Variants in TENM1 observed in about 807,000 individuals in gnomAD.
TENM1 encodes the protein teneurin-1.
Under a neutral mutation model 174.8 loss-of-function variants are expected in TENM1, and 35 were observed. The ratio of observed to expected loss-of-function variants is 0.20; its 90% CI spans 0.15 to 0.27. The LOEUF is 0.27. Among genes scored for constraint, TENM1 ranks in the 10% least tolerant of loss-of-function variants. The pLI, the probability that TENM1 is intolerant of heterozygous loss-of-function variation, is 1.00. For synonymous variants in TENM1, 781 were observed against 798.7 expected, an observed-to-expected ratio of 0.98 and a Z score of 0.37; for missense variants, 1,633 against 2,130.1, an observed-to-expected ratio of 0.77 and a Z score of 4.59.
chrX:125,118,423 G>C, the TENM1 span, among the ~76,000 whole-genome samples: 4 of 111,750 alleles, frequency 3.6e-5, no homozygotes, highest in Non-Finnish European at 5.6e-5. Context: ...AAAAAGTTAA[G>C]TTGATCTTCA....
At chrX:124,584,379 T>G (rs1439301344) in intron 11 of TENM1, among the ~76,000 whole-genome samples, 2 of 110,905 alleles carry the variant, frequency 1.8e-5, no homozygotes, top group Non-Finnish European at 3.8e-5. Context: ...GGGGCCAATA[T>G]TCAACATTCT....
At chrX:125,113,706 G>A in the TENM1 span, among the ~76,000 whole-genome samples, 1 of 110,956 alleles carries the variant, frequency 9.0e-6, no homozygotes, top group Non-Finnish European at 1.9e-5. Context: ...AACAAAAAGA[G>A]CTAACTACCC....
chrX:124,776,555 C>A lies in TENM1; in HGVS notation c.536-39358G>T, dbSNP rs1009746894. Reference sequence around the variant, plus strand: ...GAAAGGTATCTACAAAAGTAATAAACCTTTTCGATGAATATCGATTGAAAA... The same window carrying A: ...GAAAGGTATCTACAAAAGTAATAAAACTTTTCGATGAATATCGATTGAAAA... On this transcript the variant is annotated intron_variant, in intron 3 of 31. Transcript: ENST00000422452. Among the ~76,000 whole-genome samples, 6 of 111,894 alleles carry A rather than the reference C, an allele frequency of 5.4e-5. No individual in the cohort carries two copies. In the Admixed American group the frequency reaches 5.7e-4, roughly 11 times the overall value.
intron 1 of TENM1, among the ~76,000 whole-genome samples, chrX:124,919,653 T>C (rs1463639908): frequency 1.8e-5 from 2 of 111,209 alleles, no homozygotes; most frequent in Non-Finnish European, 3.8e-5. Flanking sequence ...AAAAGGTAAT[T>C]AGTAATGCTC....
At chrX:124,456,922 G>A (rs2061114127) in intron 22 of TENM1, among the ~76,000 whole-genome samples, 1 of 111,957 alleles carries the variant, frequency 8.9e-6, no homozygotes, top group African/African-American at 3.3e-5. Flanking sequence ...ACAATCAAAG[G>A]TACAGTCTCT....
chrX:125,203,151 G>A, the TENM1 span, among the ~76,000 whole-genome samples: 20 of 113,042 alleles, frequency 1.8e-4, no homozygotes, highest in African/African-American at 6.4e-4. Flanking sequence ...CGTAGGTTAG[G>A]AGGTCCTGCA....
rs747777823 is a variant in TENM1, at chrX:124,652,763, C to T, written c.1369-639G>A. On this transcript the variant is annotated intron_variant, in intron 7 of 31. Coordinates refer to ENST00000422452, the Ensembl canonical transcript of TENM1. ...ACATATTTACATATTCAAAAGGCCC[C>T]TCCTCTCCATTTTTTCTAATCAGTT... Among the ~76,000 whole-genome samples the T allele has an allele frequency of 3.8e-5, 4 of 105,942 alleles. No homozygotes were observed. The East Asian group carries it at 8.4e-4, about 22-fold the overall frequency. 92.0% of individuals were successfully genotyped at this position (105,942 alleles called of 115,157 possible). A position where few individuals can be genotyped will look rare whatever the true frequency, so the allele number is the denominator to read the frequency against.
At chrX:124,618,640 C>T (rs915549037) in intron 11 of TENM1, among the ~76,000 whole-genome samples, 2 of 111,861 alleles carry the variant, frequency 1.8e-5, no homozygotes, top group African/African-American at 3.2e-5. Flanking sequence ...CTGTTGCCAT[C>T]ATTCTTTCTA....
intron 11 of TENM1, among the ~76,000 whole-genome samples, chrX:124,606,797 G>A (rs1348753156): frequency 1.8e-5 from 2 of 111,587 alleles, no homozygotes; most frequent in African/African-American, 6.5e-5. Flanking sequence ...CATGCTTTGA[G>A]CTTTAATTTC....
At chrX:124,838,826 T>G (rs2147353595) in intron 3 of TENM1, among the ~76,000 whole-genome samples, 1 of 111,288 alleles carries the variant, frequency 9.0e-6, no homozygotes, top group South Asian at 3.8e-4. Context: ...CATATACATA[T>G]ATGTATATGC....
intron 11 of TENM1, among the ~76,000 whole-genome samples, chrX:124,567,605 G>T (rs2048969814): frequency 1.8e-5 from 2 of 111,768 alleles, no homozygotes; most frequent in Admixed American, 9.5e-5. Flanking sequence ...AAAGTGAATG[G>T]AAAGCTGTGC....
intron 11 of TENM1, among the ~76,000 whole-genome samples, chrX:124,636,268 T>C (rs939045316): frequency 2.7e-5 from 3 of 112,158 alleles, no homozygotes; most frequent in African/African-American, 9.7e-5. Context: ...GATGGTTAAA[T>C]ATGCTCTGTG....
chrX:124,717,160 G>C (rs2053204511), intron 4 of TENM1, among the ~76,000 whole-genome samples: 1 of 111,447 alleles, frequency 9.0e-6, no homozygotes, highest in African/African-American at 3.3e-5. Flanking sequence ...TATGCTGCTG[G>C]TCAGGGTAAC....
chrX:124,932,238 T>TA (rs1049630711), intron 1 of TENM1, among the ~76,000 whole-genome samples: 17 of 111,383 alleles, frequency 1.5e-4, no homozygotes, highest in South Asian at 3.8e-4. Context: ...TCCTGCCTTG[T>TA]AAAAAAAATG....
At chrX:124,779,716 G>A (rs897209083) in intron 3 of TENM1, among the ~76,000 whole-genome samples, 3 of 111,959 alleles carry the variant, frequency 2.7e-5, no homozygotes, top group Non-Finnish European at 5.6e-5. Context: ...ACTGAAAGAT[G>A]CCAACAACAA....
the TENM1 span, among the ~76,000 whole-genome samples, chrX:125,001,760 C>T: frequency 1.8e-5 from 2 of 110,023 alleles, no homozygotes; most frequent in African/African-American, 6.6e-5. Flanking sequence ...TATTTAGCCA[C>T]TGTGATTTGA....
chrX:124,909,299 T>C (rs376635899), intron 1 of TENM1, among the ~76,000 whole-genome samples: 2 of 112,426 alleles, frequency 1.8e-5, no homozygotes, highest in Non-Finnish European at 3.8e-5. Flanking sequence ...CAGCATATTA[T>C]AAGCAGCACA....
rs145119140 is a variant in TENM1 at position 124,816,462 on chromosome X, A to G, written c.535+77834T>C. On this transcript the variant is annotated intron_variant, in intron 3 of 31. Coordinates refer to ENST00000422452, the Ensembl canonical transcript of TENM1. ...TACAGAAGAATGACTCATAATTTGCATGTTATTTATATGTAAATGAGTGCT... is the reference window on the plus strand; with the variant it reads ...TACAGAAGAATGACTCATAATTTGCGTGTTATTTATATGTAAATGAGTGCT... Among the ~76,000 whole-genome samples, 112 of 111,946 alleles carry G rather than the reference A, an allele frequency of 1.0e-3. 1 individual carries two copies. The highest frequency in any genetic ancestry group is 3.5e-3 in the African/African-American group (107 of 30,901).
At chrX:124,847,365 G>T (rs2056629790) in intron 3 of TENM1, among the ~76,000 whole-genome samples, 1 of 111,634 alleles carries the variant, frequency 9.0e-6, no homozygotes, top group African/African-American at 3.2e-5. Flanking sequence ...AAAATTGCTT[G>T]TGTACAAAAT....
Sources: gnomAD v4.1 joint callset for allele counts (sites outside exome capture counted in the v4.1 genomes callset) on GRCh38, gnomAD v4.1.1 for gene constraint, MANE v1.5 for transcripts, NCBI Gene and HGNC (gene_info 2026-07-23, HGNC 2026-07-21) for gene names.